Variants in SPHKAP observed in about 807,000 individuals in gnomAD.
SPHKAP encodes SPHK1 interactor, AKAP domain containing, also known as A-kinase anchor protein SPHKAP.
SPHKAP carries 67 observed loss-of-function variants against 137.5 expected under a neutral mutation model. That is an observed-to-expected ratio of 0.49 (90% CI 0.40 to 0.60). The LOEUF is 0.60. SPHKAP is among the 20% of genes least tolerant of loss of function. The probability of loss-of-function intolerance (pLI) is 0.00; values close to 1 mark genes in which losing one functional copy is unlikely to be tolerated. For synonymous variants in SPHKAP, 813 were observed against 785.3 expected (o/e 1.04, Z -0.59); for missense variants, 2,097 against 2,069.3 (o/e 1.01, Z -0.26).
At chr2:228,023,662 C>T (rs1339281418) in intron 5 of SPHKAP, among the ~76,000 whole-genome samples, 2 of 152,018 alleles carry the variant, frequency 1.3e-5, no homozygotes, top group African/African-American at 4.8e-5. Context: ...GTGCATTTTC[C>T]GAGTGCCTAT....
At chr2:228,088,120 A>C (rs557461934) in intron 3 of SPHKAP, among the ~76,000 whole-genome samples, 34 of 152,312 alleles carry the variant, frequency 2.2e-4, no homozygotes, top group African/African-American at 7.9e-4. Flanking sequence ...CAGGTAAAAT[A>C]AAATCACAAG....
chr2:228,165,767 G>A (rs1385639014), intron 1 of SPHKAP, among the ~76,000 whole-genome samples: 2 of 152,208 alleles, frequency 1.3e-5, no homozygotes, highest in South Asian at 4.1e-4. Flanking sequence ...GAAAGCAAGA[G>A]TTGTCTTAAC....
Position 228,061,740 on chromosome 2 carries a change from C to T in SPHKAP, c.247-34197G>A, listed in dbSNP as rs535218137. On this transcript the variant is annotated intron_variant, in intron 3 of 11. Coordinates refer to ENST00000392056, the MANE Select transcript of SPHKAP (RefSeq NM_001142644.2). ...AATATCCAGGAAATATATATATACACACACACACACACACATACACACACA... is the reference window on the plus strand; with the variant it reads ...AATATCCAGGAAATATATATATACATACACACACACACACATACACACACA... Among the ~76,000 whole-genome samples, 79 of 150,172 alleles carry T rather than the reference C, an allele frequency of 5.3e-4. No homozygotes were observed. The South Asian group carries it at 7.0e-3, about 13-fold the overall frequency.
chr2:228,043,768 G>A (rs1056543706), intron 3 of SPHKAP, among the ~76,000 whole-genome samples: 1 of 152,104 alleles, frequency 6.6e-6, no homozygotes, highest in African/African-American at 2.4e-5. Context: ...AATATTGCAT[G>A]CTTTACAATT....
chr2:228,046,678 A>G (rs916000510), intron 3 of SPHKAP, among the ~76,000 whole-genome samples: 2 of 152,194 alleles, frequency 1.3e-5, no homozygotes, highest in African/African-American at 4.8e-5. Flanking sequence ...TGGCTTTAGT[A>G]TATTCAGAAA....
Position 228,018,280 on chromosome 2 carries a change from T to G in SPHKAP, c.2574A>C (p.Glu858Asp). Reference sequence around the variant, plus strand: ...GGCTGACCGTTGGGGACCTTTGTCCTTCGGAAGAGGCTCTGCATTCATTCT... The same window carrying G: ...GGCTGACCGTTGGGGACCTTTGTCCGTCGGAAGAGGCTCTGCATTCATTCT... ...HSENECRASS[E>D]GQRSPTVSQS... is the part of the protein sequence containing the mutation. The change falls in exon 7 of 12, where the codon GAA (glutamate) becomes GAC (aspartate). Residue 858 changes from glutamate to aspartate, a missense_variant. Glu to Asp is a conservative substitution (Grantham distance 45, BLOSUM62 2). Coordinates refer to ENST00000392056, the MANE Select transcript of SPHKAP (RefSeq NM_001142644.2). The G allele has an allele frequency of 1.2e-6, 2 of 1,614,222 alleles. No individual in the cohort carries two copies. Among genetic ancestry groups the G allele is most frequent in the Non-Finnish European group, 1.7e-6 (2 of 1,180,034 alleles).
chr2:228,152,135 C>G (rs1699953167), intron 1 of SPHKAP, among the ~76,000 whole-genome samples: 1 of 152,094 alleles, frequency 6.6e-6, no homozygotes, highest in Non-Finnish European at 1.5e-5. Context: ...GCTTTATTCT[C>G]CACTATGCAT....
At chr2:228,014,931 T>A (rs2106204039) in intron 7 of SPHKAP, among the ~76,000 whole-genome samples, 1 of 152,254 alleles carries the variant, frequency 6.6e-6, no homozygotes, top group African/African-American at 2.4e-5. Flanking sequence ...TTTATTATTA[T>A]TATCATACTT....
At chr2:228,066,054 T>A (rs1048378825) in intron 3 of SPHKAP, among the ~76,000 whole-genome samples, 1 of 152,148 alleles carries the variant, frequency 6.6e-6, no homozygotes, top group Non-Finnish European at 1.5e-5. Context: ...CAGGGGGCTG[T>A]GGTTTAGCTT....
At chr2:228,031,003 C>T (rs1465485884) in intron 3 of SPHKAP, among the ~76,000 whole-genome samples, 2 of 152,198 alleles carry the variant, frequency 1.3e-5, no homozygotes, top group Admixed American at 6.5e-5. Context: ...GTACCAGGCT[C>T]ATCTCACTAG....
At chr2:228,150,299 A>G (rs1699890897) in intron 1 of SPHKAP, among the ~76,000 whole-genome samples, 1 of 152,266 alleles carries the variant, frequency 6.6e-6, no homozygotes, top group East Asian at 1.9e-4. Flanking sequence ...CTGTCAAGCT[A>G]ATTCAGGACA....
chr2:227,990,039 C>T (rs1435122070), intron 11 of SPHKAP, among the ~76,000 whole-genome samples: 1 of 152,198 alleles, frequency 6.6e-6, no homozygotes, highest in Non-Finnish European at 1.5e-5. Context: ...CCTCTGGGCA[C>T]TGAGAGCAGC....
In SPHKAP at chr2:228,012,522, C is replaced by T. The variant is rs186042168; in HGVS notation, c.4448+3884G>A. Among the ~76,000 whole-genome samples, 5 of 152,276 alleles carry T rather than the reference C, an allele frequency of 3.3e-5. No individual in the cohort carries two copies. In the East Asian group the frequency reaches 9.7e-4, roughly 29 times the overall value. ...AGCCACTTTCCCTACCAGTCATTTG[C>T]TACCACATTATTTTTTATTTTTTCT... On this transcript the variant is annotated intron_variant, in intron 7 of 11. Transcript: ENST00000392056.
intron 3 of SPHKAP, among the ~76,000 whole-genome samples, chr2:228,037,032 A>G (rs1695644172): frequency 1.3e-5 from 2 of 152,028 alleles, no homozygotes; most frequent in Admixed American, 6.6e-5. Context: ...TTAAAGTATA[A>G]TAATAAATAA....
At chr2:228,085,416 G>T (rs1275526092) in intron 3 of SPHKAP, among the ~76,000 whole-genome samples, 3 of 152,154 alleles carry the variant, frequency 2.0e-5, no homozygotes, top group Non-Finnish European at 4.4e-5. Context: ...AAGCTCTCTT[G>T]TAGGCCAATG....
intron 2 of SPHKAP, among the ~76,000 whole-genome samples, chr2:228,115,409 G>A (rs1698677631): frequency 1.3e-5 from 2 of 152,088 alleles, no homozygotes; most frequent in South Asian, 4.1e-4. Flanking sequence ...CCTATTTGCA[G>A]TTGATATCAG....
chr2:227,990,503 C>T (rs937330313), intron 11 of SPHKAP, among the ~76,000 whole-genome samples: 1 of 151,906 alleles, frequency 6.6e-6, no homozygotes, highest in African/African-American at 2.4e-5. Context: ...TGATGTTGGC[C>T]AAGGATCTCT....
intron 1 of SPHKAP, among the ~76,000 whole-genome samples, chr2:228,146,179 C>T (rs1457996228): frequency 2.6e-5 from 4 of 152,118 alleles, no homozygotes; most frequent in South Asian, 4.1e-4. Context: ...CCTGCTCCTC[C>T]ACACACATCC....
intron 2 of SPHKAP, among the ~76,000 whole-genome samples, chr2:228,122,003 C>T (rs1698920856): frequency 6.6e-6 from 1 of 152,044 alleles, no homozygotes; most frequent in South Asian, 2.1e-4. Context: ...TGAAAGAAAA[C>T]AGAGGAGACC....
Sources: allele counts gnomAD v4.1 joint callset (sites outside exome capture counted in the v4.1 genomes callset), GRCh38; gene constraint gnomAD v4.1.1; transcripts MANE v1.5; gene names NCBI Gene and HGNC (gene_info 2026-07-23, HGNC 2026-07-21).